NLGN1: variants seen among roughly 807,000 people sequenced by gnomAD.
The protein encoded by NLGN1 is neuroligin-1.
Under a neutral mutation model 65.5 loss-of-function variants are expected in NLGN1, and 12 were observed. The observed-to-expected ratio is 0.18, with a 90% CI of 0.12 to 0.30. The LOEUF (loss-of-function observed/expected upper bound fraction) is 0.30. Among genes scored for constraint, NLGN1 ranks in the 10% least tolerant of loss-of-function variants. The probability of loss-of-function intolerance (pLI) is 1.00; values close to 1 mark genes in which losing one functional copy is unlikely to be tolerated. For missense variants in NLGN1, 750 were observed against 1,007.1 expected (o/e 0.74, Z 3.46); for synonymous variants, 350 against 359.5 (o/e 0.97, Z 0.30).
chr3:173,563,412 C>T (rs1172464177), intron 2 of NLGN1, among the ~76,000 whole-genome samples: 1 of 152,110 alleles, frequency 6.6e-6, no homozygotes, highest in Non-Finnish European at 1.5e-5. Context: ...AAGGAAATAA[C>T]GTATAGGTAA....
intron 2 of NLGN1, among the ~76,000 whole-genome samples, chr3:173,444,345 T>G (rs921455789): frequency 3.9e-5 from 6 of 152,188 alleles, no homozygotes; most frequent in South Asian, 4.1e-4. Flanking sequence ...ATGAATAGGC[T>G]GTAATATCTA....
chr3:173,835,049 A>G (rs972154838), intron 4 of NLGN1, among the ~76,000 whole-genome samples: 16 of 152,148 alleles, frequency 1.1e-4, no homozygotes, highest in African/African-American at 3.4e-4. Context: ...ATAACTAATA[A>G]TCCCTCTAAA....
intron 3 of NLGN1, among the ~76,000 whole-genome samples, chr3:173,771,199 G>T (rs1032315052): frequency 2.0e-5 from 3 of 152,110 alleles, no homozygotes; most frequent in Admixed American, 2.0e-4. Context: ...AAAATTGGCT[G>T]CATGTCCGTC....
chr3:173,778,019 C>CA (rs1406884080), intron 3 of NLGN1, among the ~76,000 whole-genome samples: 1 of 151,610 alleles, frequency 6.6e-6, no homozygotes, highest in Non-Finnish European at 1.5e-5. Context: ...TACTATAACC[C>CA]AATGAAGCAC....
intron 4 of NLGN1, among the ~76,000 whole-genome samples, chr3:174,060,103 C>CA (rs935628125): frequency 3.9e-5 from 6 of 151,978 alleles, no homozygotes; most frequent in Non-Finnish European, 8.8e-5. Context: ...AGACTTTTTA[C>CA]AAAAAATTTG....
At chr3:173,753,517 C>A (rs1028639490) in intron 3 of NLGN1, among the ~76,000 whole-genome samples, 5 of 152,110 alleles carry the variant, frequency 3.3e-5, no homozygotes, top group Non-Finnish European at 4.4e-5. Flanking sequence ...AATAGGCTGT[C>A]TTCCTACTAA....
intron 4 of NLGN1, among the ~76,000 whole-genome samples, chr3:174,012,270 G>A (rs541076941): frequency 8.5e-5 from 13 of 152,148 alleles, no homozygotes; most frequent in East Asian, 5.8e-4. Context: ...TATACATTGC[G>A]TAGATATTGC....
At chr3:173,535,084 A>T (rs969334238) in intron 2 of NLGN1, among the ~76,000 whole-genome samples, 2 of 152,322 alleles carry the variant, frequency 1.3e-5, no homozygotes, top group Non-Finnish European at 2.9e-5. Flanking sequence ...ATTTAACAGA[A>T]TGAAAACGGA....
rs1259670379 is a variant in NLGN1, at chr3:173,717,034, T to C, written c.494-90646T>C. On this transcript the variant is annotated intron_variant, in intron 3 of 6. Coordinates refer to ENST00000457714, the Ensembl canonical transcript of NLGN1. ...TCATTACAAGTTACTTTTTATTAAG[T>C]GACTCTAGCTTTAGAAGATGGCTTT... is the stretch of plus-strand genomic sequence containing the variant. 2.0e-5 allele frequency among the ~76,000 whole-genome samples: 3 copies of C among 152,344 alleles called. No individual in the cohort carries two copies. The East Asian group carries it at 5.8e-4, about 29-fold the overall frequency.
At chr3:174,241,818 C>G (rs551970672) in intron 4 of NLGN1, among the ~76,000 whole-genome samples, 308 of 152,184 alleles carry the variant, frequency 2.0e-3, no homozygotes, top group Non-Finnish European at 3.7e-3. Context: ...GCCACCACGC[C>G]TGGATAATTT....
intron 4 of NLGN1, among the ~76,000 whole-genome samples, chr3:174,267,013 T>TTATC (rs1261831758): frequency 1.2e-4 from 19 of 152,142 alleles, no homozygotes; most frequent in African/African-American, 4.6e-4. Flanking sequence ...ACTAAAAACA[T>TTATC]TATCTCTTCT....
intron 3 of NLGN1, among the ~76,000 whole-genome samples, chr3:173,700,207 C>A (rs765341651): frequency 6.6e-6 from 1 of 152,082 alleles, no homozygotes; most frequent in African/African-American, 2.4e-5. Flanking sequence ...ATTGTAAATG[C>A]GTTCATATTA....
chr3:174,020,260 G>A (rs1318972120), intron 4 of NLGN1, among the ~76,000 whole-genome samples: 2 of 152,038 alleles, frequency 1.3e-5, no homozygotes, highest in African/African-American at 4.8e-5. Flanking sequence ...GTTTGAGGAA[G>A]CGAAATGAAT....
intron 4 of NLGN1, among the ~76,000 whole-genome samples, chr3:173,824,602 C>T (rs1434010768): frequency 6.6e-6 from 1 of 151,998 alleles, no homozygotes; most frequent in Non-Finnish European, 1.5e-5. Context: ...ACTTATATGA[C>T]ATGTTTGACT....
chr3:173,989,351 A>T (rs1458799726), intron 4 of NLGN1, among the ~76,000 whole-genome samples: 1 of 152,194 alleles, frequency 6.6e-6, no homozygotes, highest in African/African-American at 2.4e-5. Flanking sequence ...GATAACTTTG[A>T]CCACAGAATA....
intron 4 of NLGN1, among the ~76,000 whole-genome samples, chr3:174,035,855 G>T (rs1334416762): frequency 6.6e-6 from 1 of 151,986 alleles, no homozygotes; most frequent in African/African-American, 2.4e-5. Context: ...CTATTATATA[G>T]GATCTAGATA....
intron 4 of NLGN1, among the ~76,000 whole-genome samples, chr3:173,914,545 A>G (rs1579156344): frequency 7.2e-6 from 1 of 139,044 alleles, no homozygotes; most frequent in Non-Finnish European, 1.6e-5. Flanking sequence ...ATACACACAC[A>G]CACACACACA....
chr3:173,444,387 T>C (rs1277338095), intron 2 of NLGN1, among the ~76,000 whole-genome samples: 1 of 152,152 alleles, frequency 6.6e-6, no homozygotes, highest in African/African-American at 2.4e-5. Flanking sequence ...GACTTCTGCT[T>C]GAATGAAATG....
intron 3 of NLGN1, among the ~76,000 whole-genome samples, chr3:173,788,108 G>A (rs963742086): frequency 1.4e-5 from 2 of 145,730 alleles, no homozygotes; most frequent in African/African-American, 5.1e-5. Flanking sequence ...TCTCCTTAAT[G>A]AGTATTATTA....
Sources: allele counts gnomAD v4.1 joint callset (sites outside exome capture counted in the v4.1 genomes callset), GRCh38; gene constraint gnomAD v4.1.1; transcripts MANE v1.5; gene names NCBI Gene and HGNC (gene_info 2026-07-23, HGNC 2026-07-21).